The following PCDH7 variants were observed in gnomAD, a reference collection of about 807,000 sequenced individuals.
PCDH7 encodes the protein protocadherin 7.
PCDH7 carries 17 observed loss-of-function variants against 58.9 expected under a neutral mutation model. The ratio of observed to expected loss-of-function variants is 0.29; its 90% CI spans 0.20 to 0.43. The LOEUF (loss-of-function observed/expected upper bound fraction) is 0.43. Ranked by LOEUF, PCDH7 falls within the 20% of genes least tolerant of loss-of-function variation. The pLI, the probability that PCDH7 is intolerant of heterozygous loss-of-function variation, is 1.00. For synonymous variants in PCDH7, 664 were observed against 616.4 expected (o/e 1.08, Z -1.14); for missense variants, 1,274 against 1,441.0 (o/e 0.88, Z 1.88).
intron 1 of PCDH7, among the ~76,000 whole-genome samples, chr4:30,825,485 CT>C (rs1458782188): frequency 6.6e-6 from 1 of 152,114 alleles, no homozygotes; most frequent in Non-Finnish European, 1.5e-5. Context: ...TAAGGAACTA[CT>C]TCATCAAAAC....
chr4:30,751,932 T>G (rs185059458), intron 1 of PCDH7, among the ~76,000 whole-genome samples: 4 of 152,294 alleles, frequency 2.6e-5, no homozygotes, highest in Admixed American at 2.0e-4. Context: ...AAAATGGAAT[T>G]TTCTCCTGTT....
intron 1 of PCDH7, among the ~76,000 whole-genome samples, chr4:30,893,851 G>T (rs897582340): frequency 6.6e-6 from 1 of 152,062 alleles, no homozygotes; most frequent in African/African-American, 2.4e-5. Flanking sequence ...AGGCCTGCAT[G>T]TATCATCTTG....
At position 31,106,657 on chromosome 4, in the gene PCDH7, G is replaced by A. The variant is rs113617734; in HGVS notation, c.*8-35816G>A. On this transcript the variant is annotated intron_variant, in intron 3 of 3. Transcript: ENST00000509759. Reference sequence around the variant, plus strand: ...TTAACCATACTTCCTGGCCCCAGAAGGCCAGAGTTTGACTGTTTATTTCAC... The same window carrying A: ...TTAACCATACTTCCTGGCCCCAGAAAGCCAGAGTTTGACTGTTTATTTCAC... 1.4e-4 allele frequency among the ~76,000 whole-genome samples: 21 copies of A among 152,296 alleles called. 1 individual carries two copies. The highest frequency in any genetic ancestry group is 4.6e-4 in the African/African-American group (19 of 41,564).
At chr4:30,947,592 T>C (rs1312905030) in intron 2 of PCDH7, among the ~76,000 whole-genome samples, 3 of 152,194 alleles carry the variant, frequency 2.0e-5, no homozygotes, top group Non-Finnish European at 4.4e-5. Context: ...TGTCATATAA[T>C]AATTTATAGT....
intron 3 of PCDH7, among the ~76,000 whole-genome samples, chr4:30,984,701 C>T (rs1750827906): frequency 6.6e-6 from 1 of 152,084 alleles, no homozygotes; most frequent in Non-Finnish European, 1.5e-5. Context: ...CAGTTTGCTG[C>T]TTCTATGACA....
chr4:31,091,539 G>T (rs1208216396), intron 3 of PCDH7, among the ~76,000 whole-genome samples: 1 of 151,766 alleles, frequency 6.6e-6, no homozygotes, highest in East Asian at 1.9e-4. Context: ...GATTTACAGT[G>T]ATTTTTCAAA....
chr4:31,049,211 C>T (rs948469635), intron 3 of PCDH7, among the ~76,000 whole-genome samples: 6 of 152,036 alleles, frequency 3.9e-5, no homozygotes, highest in Non-Finnish European at 7.4e-5. Context: ...CATGTGCTCT[C>T]ATTGTTCAAT....
At chr4:30,753,185 G>A (rs1212442503) in intron 1 of PCDH7, among the ~76,000 whole-genome samples, 2 of 152,058 alleles carry the variant, frequency 1.3e-5, no homozygotes, top group Non-Finnish European at 2.9e-5. Context: ...TGAAAGACAA[G>A]GTCAGAGTAT....
chr4:31,058,185 A>AAC (rs10565780), intron 3 of PCDH7, among the ~76,000 whole-genome samples: 4 of 151,960 alleles, frequency 2.6e-5, no homozygotes, highest in Non-Finnish European at 5.9e-5. Context: ...CTCAACAAAC[A>AAC]ACACACACAC....
At chr4:31,113,106 T>C (rs933327491) in intron 3 of PCDH7, among the ~76,000 whole-genome samples, 5 of 152,202 alleles carry the variant, frequency 3.3e-5, no homozygotes, top group Non-Finnish European at 5.9e-5. Flanking sequence ...AAAATTGACC[T>C]TCTTTTGTCT....
At chr4:30,797,262 GGTTTT>G (rs1724907484) in intron 1 of PCDH7, among the ~76,000 whole-genome samples, 1 of 150,220 alleles carries the variant, frequency 6.7e-6, no homozygotes, top group Non-Finnish European at 1.5e-5. Flanking sequence ...TGTTTTGTTT[GGTTTT>G]GTTTGGTTTG....
chr4:30,766,123 A>AG (rs201812018), intron 1 of PCDH7, among the ~76,000 whole-genome samples: 1 of 151,146 alleles, frequency 6.6e-6, no homozygotes, highest in African/African-American at 2.4e-5. Flanking sequence ...GAAAAAAAAA[A>AG]GGAACTGATT....
intron 1 of PCDH7, among the ~76,000 whole-genome samples, chr4:30,795,790 A>C (rs534245975): frequency 2.0e-5 from 3 of 152,340 alleles, no homozygotes; most frequent in African/African-American, 4.8e-5. Flanking sequence ...ATTGTTTAGA[A>C]TATATAAACG....
chr4:30,925,658 G>A (rs1743773208), intron 2 of PCDH7: 1 of 152,166 alleles, frequency 6.6e-6, no homozygotes, highest in African/African-American at 2.4e-5. Flanking sequence ...TGTCAATTGT[G>A]ACATGGCTCT....
intron 1 of PCDH7, among the ~76,000 whole-genome samples, chr4:30,797,496 G>A (rs1394404564): frequency 1.3e-5 from 2 of 150,006 alleles, no homozygotes; most frequent in East Asian, 2.0e-4. Context: ...GGATGGTCTC[G>A]ATTTCCTGAC....
intron 1 of PCDH7, among the ~76,000 whole-genome samples, chr4:30,888,673 C>G (rs1197870553): frequency 6.6e-6 from 1 of 151,972 alleles, no homozygotes; most frequent in African/African-American, 2.4e-5. Context: ...TATAGATGTA[C>G]ATAGTAAAAT....
chr4:31,087,310 T>G (rs2109278943), intron 3 of PCDH7, among the ~76,000 whole-genome samples: 1 of 152,266 alleles, frequency 6.6e-6, no homozygotes, highest in South Asian at 2.1e-4. Context: ...TCATTATGTT[T>G]TATAAAGATA....
In PCDH7 at chr4:30,721,467, G is replaced by A. The variant is rs764413229; in HGVS notation, c.45G>A (p.Leu15=). 6.3e-7 allele frequency: 1 copy of A among 1,574,810 alleles called. No homozygotes were observed. Among genetic ancestry groups the A allele is most frequent in the East Asian group, 2.3e-5 (1 of 44,130 alleles). The stretch of plus-strand genomic sequence containing the variant: ...CGGGATGGGCGCGCGGCTGGTGCTT[G>A]GGCTGCTGCCTCCTCCTGCCGCTCT... The change falls in exon 1 of 2, where the codon TTG becomes TTA. Residue 15 remains leucine (L), a synonymous_variant. Coordinates refer to ENST00000361762, the Ensembl canonical transcript of PCDH7. This position sits in a 1 kb window ranked among gnomAD's most constrained non-coding sequence, Gnocchi z 6.7.
rs539459901 is a variant in PCDH7, at chr4:30,959,291, A to T, written c.*7+9076A>T. Among the ~76,000 whole-genome samples the T allele has an allele frequency of 4.9e-4, 75 of 151,950 alleles. 1 individual carries two copies. The South Asian group carries it at 0.011, about 22-fold the overall frequency. ...AACATTTATTGTAAATAAGTGCAAA[A>T]TTTCAGAGTAGTTTGCTCTAAGGAA... On this transcript the variant is annotated intron_variant, in intron 3 of 3. Transcript: ENST00000509759.
Sources: allele counts gnomAD v4.1 joint callset (sites outside exome capture counted in the v4.1 genomes callset), GRCh38; gene constraint gnomAD v4.1.1; non-coding constraint Gnocchi (gnomAD v3.1); transcripts MANE v1.5; gene names NCBI Gene and HGNC (gene_info 2026-07-23, HGNC 2026-07-21).